The following FOXN3 variants were observed in gnomAD, a reference collection of about 807,000 sequenced individuals.
FOXN3 encodes forkhead box N3.
A neutral mutation model predicts 38.4 loss-of-function variants in FOXN3; 7 were observed. The observed-to-expected ratio is 0.18, with a 90% CI of 0.10 to 0.34. The LOEUF is 0.34. Ranked by LOEUF, FOXN3 falls within the 10% of genes least tolerant of loss-of-function variation. The pLI is 1.00. For missense variants in FOXN3, 456 were observed against 613.4 expected (o/e 0.74, Z 2.71); for synonymous variants, 230 against 242.2 (o/e 0.95, Z 0.47).
rs912700560 is a variant in FOXN3, at chr14:89,561,117, G to A, written c.-15+57911C>T. ...AGGAAGTAGAAGAAGATGCATGACT[G>A]GTGGGCATCGCCAACGGGTGGCCTC... On this transcript the variant is annotated intron_variant, in intron 1 of 6. Coordinates refer to the FOXN3 transcript ENST00000345097. 2.0e-5 allele frequency among the ~76,000 whole-genome samples: 3 copies of A among 152,246 alleles called. 1 individual carries two copies. In the South Asian group the frequency reaches 6.2e-4, roughly 31 times the overall value.
At chr14:89,248,214 G>A (rs1442537559) in intron 4 of FOXN3, among the ~76,000 whole-genome samples, 3 of 152,118 alleles carry the variant, frequency 2.0e-5, no homozygotes, top group Admixed American at 6.5e-5. Flanking sequence ...TGCCACAAGC[G>A]CAAAGACTTT....
chr14:89,334,585 G>A (rs2139991058), intron 3 of FOXN3, among the ~76,000 whole-genome samples: 1 of 109,840 alleles, frequency 9.1e-6, no homozygotes, highest in African/African-American at 2.7e-5. Flanking sequence ...ACTCCAGCCT[G>A]GGTGAGAGAA....
intron 4 of FOXN3, among the ~76,000 whole-genome samples, chr14:89,256,954 G>T (rs1049647927): frequency 6.6e-6 from 1 of 152,198 alleles, no homozygotes; most frequent in Non-Finnish European, 1.5e-5. Flanking sequence ...AAGCAGTATA[G>T]TTTAGACCCC....
intron 1 of FOXN3, among the ~76,000 whole-genome samples, chr14:89,450,232 CCTGAATCT>C (rs1270368555): frequency 1.3e-5 from 2 of 152,316 alleles, no homozygotes; most frequent in South Asian, 4.1e-4. Flanking sequence ...TGTTGTTGTA[CCTGAATCT>C]CTGTCTCCTC....
intron 1 of FOXN3, among the ~76,000 whole-genome samples, chr14:89,581,076 G>C (rs1363590327): frequency 6.6e-6 from 1 of 152,042 alleles, no homozygotes; most frequent in Admixed American, 6.6e-5. Context: ...CAGTTACTTG[G>C]GAGGCTGGGG....
chr14:89,182,667 T>C (rs951342171), intron 4 of FOXN3, among the ~76,000 whole-genome samples: 2 of 152,238 alleles, frequency 1.3e-5, no homozygotes, highest in Non-Finnish European at 2.9e-5. Flanking sequence ...ATGAATTCTC[T>C]ATAAGGAAGA....
intron 1 of FOXN3, among the ~76,000 whole-genome samples, chr14:89,446,207 G>A (rs1485918050): frequency 2.7e-5 from 1 of 37,010 alleles, no homozygotes; most frequent in African/African-American, 9.9e-5. Context: ...TTTTTTTTTT[G>A]AGACAGAGTC....
intron 4 of FOXN3, among the ~76,000 whole-genome samples, chr14:89,186,527 T>C (rs1468174850): frequency 1.3e-5 from 2 of 152,082 alleles, no homozygotes; most frequent in Non-Finnish European, 1.5e-5. Flanking sequence ...TGAATCTACA[T>C]AGCCATTTTG....
intron 4 of FOXN3, among the ~76,000 whole-genome samples, chr14:89,193,305 A>C (rs570606788): frequency 6.6e-6 from 1 of 152,290 alleles, no homozygotes; most frequent in South Asian, 2.1e-4. Flanking sequence ...CAGAAAATTA[A>C]AGAAAATATT....
intron 2 of FOXN3, among the ~76,000 whole-genome samples, chr14:89,373,581 T>C (rs988854056): frequency 6.6e-6 from 1 of 152,144 alleles, no homozygotes; most frequent in Non-Finnish European, 1.5e-5. Flanking sequence ...ATTTGTGAGG[T>C]TGTGACTAAT....
intron 4 of FOXN3, among the ~76,000 whole-genome samples, chr14:89,199,229 A>G (rs1362383470): frequency 1.3e-5 from 2 of 152,214 alleles, no homozygotes; most frequent in African/African-American, 4.8e-5. Context: ...CACTGTGGAC[A>G]TGAACTGCAA....
intron 3 of FOXN3, among the ~76,000 whole-genome samples, chr14:89,344,101 T>C (rs1218894279): frequency 6.6e-6 from 1 of 152,188 alleles, no homozygotes; most frequent in Non-Finnish European, 1.5e-5. Flanking sequence ...GCAAATTTTA[T>C]AGTCATCCAA....
intron 3 of FOXN3, among the ~76,000 whole-genome samples, chr14:89,313,762 T>C (rs558608072): frequency 6.6e-6 from 1 of 152,252 alleles, no homozygotes; most frequent in African/African-American, 2.4e-5. Context: ...ATAAACAAAA[T>C]GTGGTATTAT....
chr14:89,438,909 C>T (rs1188202967), intron 1 of FOXN3, among the ~76,000 whole-genome samples: 1 of 151,990 alleles, frequency 6.6e-6, no homozygotes, highest in Non-Finnish European at 1.5e-5. Context: ...TACAGGCATG[C>T]ACCACCACGC....
chr14:89,321,078 A>T (rs1836626377), intron 3 of FOXN3, among the ~76,000 whole-genome samples: 2 of 151,940 alleles, frequency 1.3e-5, no homozygotes, highest in South Asian at 4.2e-4. Flanking sequence ...ACTTGAGGCC[A>T]GTAGTTCAAT....
chr14:89,511,122 G>GTC (rs1555358035), intron 1 of FOXN3, among the ~76,000 whole-genome samples: 1 of 37,780 alleles, frequency 2.6e-5, no homozygotes, highest in Non-Finnish European at 1.2e-4. Context: ...CCTGCTTGGT[G>GTC]TCTTTCTTTC....
At chr14:89,383,789 A>G (rs1890721646) in intron 2 of FOXN3, among the ~76,000 whole-genome samples, 1 of 117,000 alleles carries the variant, frequency 8.5e-6, no homozygotes, top group Non-Finnish European at 1.7e-5. Context: ...TTTTATTTTT[A>G]TGTATTCATT....
At chr14:89,506,831 A>G (rs1490641103) in intron 1 of FOXN3, among the ~76,000 whole-genome samples, 1 of 152,196 alleles carries the variant, frequency 6.6e-6, no homozygotes, top group African/African-American at 2.4e-5. Flanking sequence ...CTTACCCACA[A>G]CCCTGTGCTC....
At chr14:89,608,947 C>A (rs117378667) in intron 1 of FOXN3, among the ~76,000 whole-genome samples, 2,368 of 152,214 alleles carry the variant, frequency 0.016, 39 homozygotes, top group Non-Finnish European at 0.02. Context: ...GAACAAACTG[C>A]ATTTTCTCTG....
Sources: gnomAD v4.1 joint callset for allele counts (sites outside exome capture counted in the v4.1 genomes callset) on GRCh38, gnomAD v4.1.1 for gene constraint, MANE v1.5 for transcripts, NCBI Gene and HGNC (gene_info 2026-07-23, HGNC 2026-07-21) for gene names.